Variants in HIP1 observed in about 807,000 individuals in gnomAD.
HIP1 encodes the protein huntingtin interacting protein 1, also known as huntingtin-interacting protein 1.
A neutral mutation model predicts 147.6 loss-of-function variants in HIP1; 65 were observed. The ratio of observed to expected loss-of-function variants is 0.44; its 90% CI spans 0.36 to 0.54. HIP1 has a LOEUF of 0.54. Among genes scored for constraint, HIP1 ranks in the 20% least tolerant of loss-of-function variants. The probability of loss-of-function intolerance (pLI) is 0.00; values close to 1 mark genes in which losing one functional copy is unlikely to be tolerated. For synonymous variants in HIP1, 479 were observed against 504.0 expected (o/e 0.95, Z 0.67); for missense variants, 1,061 against 1,299.6 (o/e 0.82, Z 2.82).
intron 1 of HIP1, among the ~76,000 whole-genome samples, chr7:75,623,550 G>A (rs928875049): frequency 5.3e-5 from 8 of 152,178 alleles, no homozygotes; most frequent in South Asian, 4.1e-4. Context: ...TTCACAGATC[G>A]TCTCTCTTCA....
intron 2 of HIP1, among the ~76,000 whole-genome samples, chr7:75,596,632 C>A (rs1193877972): frequency 6.6e-6 from 1 of 152,096 alleles, no homozygotes; most frequent in African/African-American, 2.4e-5. Flanking sequence ...GTCATCCATC[C>A]GCCTCCACCT....
intron 6 of HIP1, among the ~76,000 whole-genome samples, 153 bp downstream of exon 6, chr7:75,581,922 T>G (rs1796067635): frequency 6.6e-6 from 1 of 152,068 alleles, no homozygotes; most frequent in Admixed American, 6.6e-5. Context: ...GCACCACCAA[T>G]AAATAAGTAG....
At chr7:75,738,235 C>T (rs1554523909) in intron 1 of HIP1, among the ~76,000 whole-genome samples, 1 of 151,934 alleles carries the variant, frequency 6.6e-6, no homozygotes, top group East Asian at 1.9e-4. Context: ...CTGCTCCGAC[C>T]CCTTCCGCCC....
At chr7:75,721,038 C>CAA (rs782224120) in intron 1 of HIP1, among the ~76,000 whole-genome samples, 1 of 70,874 alleles carries the variant, frequency 1.4e-5, no homozygotes, top group African/African-American at 5.0e-5. Context: ...AACTCCATCT[C>CAA]AAAAAAAAAA....
At chr7:75,617,236 G>A (rs1381312038) in intron 1 of HIP1, among the ~76,000 whole-genome samples, 1 of 151,876 alleles carries the variant, frequency 6.6e-6, no homozygotes, top group Non-Finnish European at 1.5e-5. Flanking sequence ...CATCACTCCC[G>A]GCTAATTTGT....
At position 75,546,227 on chromosome 7, in the gene HIP1, T is replaced by C. The variant is rs114845191; in HGVS notation, c.2559+712A>G. ...TTAAAAAAAAATATTTCTACTTGGA[T>C]TTGAAAAATGTTTTTATGCTTTGGA... On this transcript the variant is annotated intron_variant, in intron 25 of 30. Transcript: ENST00000336926. 7.5e-3 allele frequency among the ~76,000 whole-genome samples: 1,139 copies of C among 152,290 alleles called. 14 individuals are homozygous for C. Among genetic ancestry groups the C allele is most frequent in the African/African-American group, 0.026 (1,068 of 41,554 alleles).
intron 1 of HIP1, among the ~76,000 whole-genome samples, chr7:75,636,475 C>T (rs868922615): frequency 1.3e-5 from 2 of 152,314 alleles, no homozygotes; most frequent in South Asian, 4.1e-4. Context: ...TGAAAGGCTG[C>T]GTTTGAGGTC....
intron 1 of HIP1, among the ~76,000 whole-genome samples, chr7:75,623,106 G>A (rs1797909428): frequency 6.7e-6 from 1 of 148,978 alleles, no homozygotes. Context: ...GCTGAGGCAG[G>A]AGAATCGCTG....
rs377665853 is a variant in HIP1, at chr7:75,719,320, C to T, written c.120+19481G>A. Among the ~76,000 whole-genome samples, 854 of 151,842 alleles carry T rather than the reference C, an allele frequency of 5.6e-3. 5 individuals carry two copies. Among genetic ancestry groups the T allele is most frequent in the African/African-American group, 0.019 (786 of 41,446 alleles). On this transcript the variant is annotated intron_variant, in intron 1 of 30. Transcript: ENST00000336926. ...GAGATCAAAACCATCCTGGCCAACA[C>T]GGTGAAACCCCGTCTCTACTAAAAA...
intron 1 of HIP1, among the ~76,000 whole-genome samples, chr7:75,658,108 T>G (rs1468731656): frequency 2.0e-5 from 3 of 152,188 alleles, no homozygotes; most frequent in African/African-American, 7.2e-5. Context: ...CCTCATATTT[T>G]TTTTAGACAG....
chr7:75,567,012 T>C (rs1795431557), intron 9 of HIP1, among the ~76,000 whole-genome samples: 1 of 151,072 alleles, frequency 6.6e-6, no homozygotes, highest in African/African-American at 2.5e-5. Context: ...CTGAAGAGGC[T>C]GAGGCAGGAG....
chr7:75,570,173 C>G (rs1299506668), intron 8 of HIP1, among the ~76,000 whole-genome samples: 2 of 151,878 alleles, frequency 1.3e-5, no homozygotes, highest in South Asian at 2.1e-4. Context: ...ACCTCGTGAT[C>G]CGCCTGCCTT....
At chr7:75,566,345 C>T (rs892951671) in intron 9 of HIP1, among the ~76,000 whole-genome samples, 2 of 151,442 alleles carry the variant, frequency 1.3e-5, no homozygotes, top group Non-Finnish European at 1.5e-5. Flanking sequence ...TTTATTGAGG[C>T]GGCAGTGCAC....
rs933471036 is a variant in HIP1 at position 75,534,031 on chromosome 7, G to A, written c.*4141C>T. 6 of 231,706 alleles carry A rather than the reference G, an allele frequency of 2.6e-5. No individual in the cohort carries two copies. The highest frequency in any genetic ancestry group is 6.6e-5 in the African/African-American group (3 of 45,262). 14.4% of individuals were successfully genotyped at this position (231,706 alleles called of 1,614,324 possible). ...GGTAGAAGGTAGCAAGATGCTGACCGGTTATTAAAGACCAGGGTCAAATGG... is the reference window on the plus strand; with the variant it reads ...GGTAGAAGGTAGCAAGATGCTGACCAGTTATTAAAGACCAGGGTCAAATGG... On this transcript the variant is annotated 3_prime_UTR_variant, in exon 31 of 31. Transcript: ENST00000336926.
chr7:75,702,248 T>C (rs540584819), intron 1 of HIP1, among the ~76,000 whole-genome samples: 1 of 152,176 alleles, frequency 6.6e-6, no homozygotes, highest in African/African-American at 2.4e-5. Flanking sequence ...GTAGCTGGGA[T>C]TACAGACACG....
At chr7:75,663,458 C>T (rs556708641) in intron 1 of HIP1, among the ~76,000 whole-genome samples, 1 of 152,116 alleles carries the variant, frequency 6.6e-6, no homozygotes, top group African/African-American at 2.4e-5. Flanking sequence ...AGTGTGTCAT[C>T]CTGGCGGCAC....
chr7:75,598,636 G>A (rs587672067), intron 2 of HIP1, among the ~76,000 whole-genome samples: 1 of 152,158 alleles, frequency 6.6e-6, no homozygotes, highest in Non-Finnish European at 1.5e-5. Context: ...AGTCGGCCAG[G>A]TGCAGTGGCT....
rs1320816695 is a variant in HIP1, at chr7:75,535,482, A to G, written c.*2690T>C. On this transcript the variant is annotated 3_prime_UTR_variant, in exon 31 of 31. Coordinates refer to ENST00000336926, the MANE Select transcript of HIP1 (RefSeq NM_005338.7). The stretch of plus-strand genomic sequence containing the variant: ...GCAATTCTCCCACCTTAGCTCCCCA[A>G]CTAGCTGAGACTACAGGCATGCACC... 1.7e-5 allele frequency: 3 copies of G among 179,662 alleles called. No individual in the cohort carries two copies. Among genetic ancestry groups the G allele is most frequent in the Non-Finnish European group, 3.6e-5 (3 of 83,952 alleles). The allele number at this position is 179,662 out of a possible 1,614,324, so 11.1% of individuals were successfully genotyped here. A position where few individuals can be genotyped will look rare whatever the true frequency, so the allele number is the denominator to read the frequency against.
chr7:75,542,948 G>T lies in HIP1; in HGVS notation c.2793C>A (p.Asn931Lys). 6.2e-7 allele frequency: 1 copy of T among 1,614,040 alleles called. No homozygotes were observed. Among genetic ancestry groups the T allele is most frequent in the Non-Finnish European group, 8.5e-7 (1 of 1,179,962 alleles). Reference sequence around the variant, plus strand: ...GAGAGGCCTGCTGCAGCTGGGCTAGGTTGGGGCTGTCCTTATCAGCTTTCA... The same window carrying T: ...GAGAGGCCTGCTGCAGCTGGGCTAGTTTGGGGCTGTCCTTATCAGCTTTCA... ...SKVKADKDSP[N>K]LAQLQQASRG... The change falls in exon 28 of 31, where the codon AAC becomes AAA. Residue 931 changes from asparagine (N) to lysine (K), a missense_variant. Coordinates refer to ENST00000336926, the MANE Select transcript of HIP1 (RefSeq NM_005338.7).
Sources: gnomAD v4.1 joint callset for allele counts (sites outside exome capture counted in the v4.1 genomes callset) on GRCh38, gnomAD v4.1.1 for gene constraint, MANE v1.5 for transcripts, NCBI Gene and HGNC (gene_info 2026-07-23, HGNC 2026-07-21) for gene names.